The following ZNF385D variants were observed in gnomAD, a reference collection of about 807,000 sequenced individuals.
The protein encoded by ZNF385D is zinc finger protein 659.
A neutral mutation model predicts 35.8 loss-of-function variants in ZNF385D; 15 were observed. The ratio of observed to expected loss-of-function variants is 0.42; its 90% CI spans 0.28 to 0.64. The LOEUF (loss-of-function observed/expected upper bound fraction) is 0.64. Ranked by LOEUF, ZNF385D falls within the 30% of genes least tolerant of loss-of-function variation. The pLI is 0.23. For missense variants in ZNF385D, 474 were observed against 494.6 expected, an observed-to-expected ratio of 0.96 and a Z score of 0.39; for synonymous variants, 212 against 186.8, an observed-to-expected ratio of 1.13 and a Z score of -1.10.
chr3:21,978,512 G>C (rs1703783116), intron 3 of ZNF385D, among the ~76,000 whole-genome samples: 1 of 152,192 alleles, frequency 6.6e-6, no homozygotes, highest in Non-Finnish European at 1.5e-5. Context: ...TGTGACTTAA[G>C]TTATTGCTAA....
intron 3 of ZNF385D, among the ~76,000 whole-genome samples, chr3:21,836,047 A>G (rs1234735177): frequency 1.3e-5 from 2 of 152,112 alleles, no homozygotes; most frequent in African/African-American, 2.4e-5. Context: ...GCACTTTCAC[A>G]GTTTATCTAC....
chr3:22,006,610 A>G (rs1339028838), intron 3 of ZNF385D, among the ~76,000 whole-genome samples: 3 of 152,088 alleles, frequency 2.0e-5, no homozygotes, highest in African/African-American at 7.2e-5. Flanking sequence ...TCATTACAGA[A>G]AGAAGAGAGT....
chr3:21,533,138 C>T (rs1230458907), intron 3 of ZNF385D, among the ~76,000 whole-genome samples: 3 of 152,272 alleles, frequency 2.0e-5, no homozygotes, highest in Middle Eastern at 6.8e-3. Context: ...TACCAAACAA[C>T]GAGTGAGTGA....
chr3:21,799,688 G>A (rs2072311733), intron 3 of ZNF385D, among the ~76,000 whole-genome samples: 1 of 152,070 alleles, frequency 6.6e-6, no homozygotes, highest in Non-Finnish European at 1.5e-5. Context: ...ACAGGCATTT[G>A]ATTCCAGATA....
At chr3:21,751,237 C>CGG, upstream of ZNF385D, 35 of 1,126,740 alleles carry the variant, frequency 3.1e-5, no homozygotes, top group Admixed American at 4.6e-5. Context: ...GACCCCTCCA[C>CGG]CCCACCCCAC....
At chr3:22,217,208 G>C (rs1174125332) in intron 2 of ZNF385D, among the ~76,000 whole-genome samples, 1 of 151,986 alleles carries the variant, frequency 6.6e-6, no homozygotes, top group Non-Finnish European at 1.5e-5. Flanking sequence ...AACTTGATCA[G>C]CCTATTCTTT....
At chr3:21,789,723 AAATC>A (rs948209299) in intron 3 of ZNF385D, among the ~76,000 whole-genome samples, 1 of 143,174 alleles carries the variant, frequency 7.0e-6, no homozygotes, top group African/African-American at 2.5e-5. Context: ...AAAAAAAGAT[AAATC>A]AAGGAAAGAA....
intron 3 of ZNF385D, among the ~76,000 whole-genome samples, chr3:21,976,351 G>C (rs1485506936): frequency 1.3e-5 from 2 of 151,918 alleles, no homozygotes; most frequent in East Asian, 1.9e-4. Flanking sequence ...ATATAAAATA[G>C]TTTTGATTAG....
At chr3:22,366,446 A>G (rs758098210) in intron 2 of ZNF385D, among the ~76,000 whole-genome samples, 24 of 152,196 alleles carry the variant, frequency 1.6e-4, no homozygotes, top group Non-Finnish European at 2.6e-4. Context: ...AAGAGAGCAG[A>G]AAATAATTGA....
In ZNF385D at chr3:21,412,809, C is replaced by T. The variant is rs1003928883; in HGVS notation, c.*8405G>A. 1.3e-5 allele frequency: 2 copies of T among 151,968 alleles called. No individual in the cohort carries two copies. The highest frequency in any genetic ancestry group is 2.9e-5 in the Non-Finnish European group (2 of 67,960). 9.4% of individuals were successfully genotyped at this position (151,968 alleles called of 1,614,324 possible). On this transcript the variant is annotated 3_prime_UTR_variant, in exon 8 of 8. Transcript: ENST00000281523. ...TCACAGCTGCAAGTTTAACTTAGTA[C>T]AGGACCACAGACAAGATAAACTGTG...
intron 3 of ZNF385D, among the ~76,000 whole-genome samples, chr3:21,537,475 C>T (rs2062065467): frequency 6.6e-6 from 1 of 151,990 alleles, no homozygotes; most frequent in Non-Finnish European, 1.5e-5. Flanking sequence ...CGATGTGACC[C>T]TGTGCTAGTA....
Position 21,607,586 on chromosome 3 carries a change from T to G in ZNF385D, c.166-42902A>C, listed in dbSNP as rs369510189. On this transcript the variant is annotated intron_variant, in intron 2 of 7. Coordinates refer to ENST00000281523, the MANE Select transcript of ZNF385D (RefSeq NM_024697.3). ...CAGTCCCCATATCTTCTTGGAAAAC[T>G]ACCCCATCCTTTGGTTCTTGAAGAG... Among the ~76,000 whole-genome samples the G allele has an allele frequency of 2.0e-5, 3 of 152,136 alleles. No homozygotes were observed. The South Asian group carries it at 6.2e-4, about 31-fold the overall frequency.
rs369180537 is a variant in ZNF385D, at chr3:22,280,017, G to A, written c.106+92433C>T. On this transcript the variant is annotated intron_variant, in intron 2 of 5. Transcript: ENST00000494108. The stretch of plus-strand genomic sequence containing the variant: ...TTGTATTGCCTTGTGGTTTTGATTT[G>A]CATTTCCCTGATCGTTAGTGATGTT... 4.6e-5 allele frequency among the ~76,000 whole-genome samples: 7 copies of A among 152,074 alleles called. No individual in the cohort carries two copies. The South Asian group carries it at 8.3e-4, about 18-fold the overall frequency.
At chr3:22,237,523 T>C (rs2125308107) in intron 2 of ZNF385D, among the ~76,000 whole-genome samples, 2 of 152,356 alleles carry the variant, frequency 1.3e-5, no homozygotes, top group South Asian at 4.1e-4. Flanking sequence ...ATTTATCTAC[T>C]GTGTTATTTT....
At chr3:22,326,413 C>G (rs1694681027) in intron 2 of ZNF385D, among the ~76,000 whole-genome samples, 1 of 152,174 alleles carries the variant, frequency 6.6e-6, no homozygotes, top group African/African-American at 2.4e-5. Flanking sequence ...AGCCAGGGGT[C>G]TAGCCTATCT....
intron 1 of ZNF385D, among the ~76,000 whole-genome samples, chr3:21,725,604 G>A (rs1432965693): frequency 3.3e-5 from 5 of 151,934 alleles, no homozygotes; most frequent in African/African-American, 1.2e-4. Context: ...AAATTCCTGG[G>A]CATATACACC....
rs559175206 is a variant in ZNF385D, at chr3:22,315,561, CAT to C, written c.106+56887_106+56888del. Among the ~76,000 whole-genome samples, 1,099 of 152,208 alleles carry C rather than the reference CAT, an allele frequency of 7.2e-3. 14 individuals carry two copies. The highest frequency in any genetic ancestry group is 0.025 in the African/African-American group (1,055 of 41,542). On this transcript the variant is annotated intron_variant, in intron 2 of 5. Transcript: ENST00000494108. ...AGAGGAGTGGCATGGCTGGGGAAAA[CAT>C]AAATTCAAAACGGAAGGAGTTATGT...
intron 2 of ZNF385D, among the ~76,000 whole-genome samples, chr3:21,575,844 G>A (rs1229372265): frequency 6.6e-6 from 1 of 152,140 alleles, no homozygotes; most frequent in Non-Finnish European, 1.5e-5. Context: ...CAAGGGCTCA[G>A]TACCTGTCTG....
At chr3:21,424,103 C>G (rs751944151) in intron 6 of ZNF385D, 39 bp from the exon 7 acceptor site, 4 of 1,521,428 alleles carry the variant, frequency 2.6e-6, no homozygotes, top group Non-Finnish European at 3.5e-6. Flanking sequence ...TTAAAAAAAT[C>G]ATCTGCAAAA....
Sources: gnomAD v4.1 joint callset for allele counts (sites outside exome capture counted in the v4.1 genomes callset) on GRCh38, gnomAD v4.1.1 for gene constraint, MANE v1.5 for transcripts, NCBI Gene and HGNC (gene_info 2026-07-23, HGNC 2026-07-21) for gene names.